Variants in OSBPL9 observed in about 807,000 individuals in gnomAD.
OSBPL9 encodes oxysterol-binding protein-related protein 9.
In OSBPL9, 40 loss-of-function variants were observed where a neutral mutation model predicts 106.6. That is an observed-to-expected ratio of 0.38 (90% CI 0.29 to 0.49). The LOEUF is 0.49. Among genes scored for constraint, OSBPL9 ranks in the 20% least tolerant of loss-of-function variants. The pLI is 0.97. For synonymous variants in OSBPL9, 269 were observed against 295.4 expected, an observed-to-expected ratio of 0.91 and a Z score of 0.92; for missense variants, 609 against 887.2, an observed-to-expected ratio of 0.69 and a Z score of 3.98.
In OSBPL9 at chr1:51,746,704, T is replaced by C; in HGVS notation, c.415-6T>C. On this transcript the variant is annotated splice_region_variant and splice_polypyrimidine_tract_variant and intron_variant, in intron 5 of 23. Coordinates refer to ENST00000428468, the MANE Select transcript of OSBPL9 (RefSeq NM_024586.6). ...GATACTATAACCATTTTTTAAAATC[T>C]TGTAGCTTTTTGATGACAAGCTTCA... 6.2e-7 allele frequency: 1 copy of C among 1,604,012 alleles called. No homozygotes were observed. The highest frequency in any genetic ancestry group is 8.5e-7 in the Non-Finnish European group (1 of 1,173,216).
intron 12 of OSBPL9, among the ~76,000 whole-genome samples, chr1:51,769,305 T>C (rs1168239281): frequency 6.6e-6 from 1 of 152,224 alleles, no homozygotes; most frequent in Non-Finnish European, 1.5e-5. Context: ...AGACCTATAC[T>C]AATGATAGCT....
intron 1 of OSBPL9, among the ~76,000 whole-genome samples, chr1:51,630,781 T>G (rs1645058462): frequency 6.6e-6 from 1 of 152,252 alleles, no homozygotes; most frequent in Non-Finnish European, 1.5e-5. Context: ...ACACCTTTAA[T>G]TTTTGTTTTA....
intron 2 of OSBPL9, among the ~76,000 whole-genome samples, chr1:51,666,729 A>G (rs1170843335): frequency 6.6e-6 from 1 of 152,198 alleles, no homozygotes; most frequent in Non-Finnish European, 1.5e-5. Flanking sequence ...GGTGGGGCAG[A>G]AGGAAGCTGG....
chr1:51,585,964 G>A (rs570435017), intron 1 of OSBPL9, among the ~76,000 whole-genome samples: 20 of 151,838 alleles, frequency 1.3e-4, no homozygotes, highest in African/African-American at 4.8e-4. Flanking sequence ...CTTGAGGTCA[G>A]GAGTTTAAGG....
At chr1:51,752,092 AC>A (rs1410080190) in intron 8 of OSBPL9, among the ~76,000 whole-genome samples, 1 of 152,008 alleles carries the variant, frequency 6.6e-6, no homozygotes. Context: ...CTGCTCAAAT[AC>A]CCCTGATGTT....
intron 4 of OSBPL9, among the ~76,000 whole-genome samples, chr1:51,733,663 C>G (rs1664974328): frequency 6.6e-6 from 1 of 151,838 alleles, no homozygotes; most frequent in Non-Finnish European, 1.5e-5. Context: ...TAAGCCCAGC[C>G]ACTTGGGGGG....
intron 10 of OSBPL9, 112 bp from the exon 11 acceptor site, chr1:51,761,755 T>TA: frequency 1.2e-6 from 1 of 800,196 alleles, no homozygotes; most frequent in Non-Finnish European, 2.1e-6. Context: ...CTTAATGAAA[T>TA]AAAGTTTCAA....
chr1:51,704,623 AG>A (rs981183178), intron 3 of OSBPL9, among the ~76,000 whole-genome samples: 9 of 152,212 alleles, frequency 5.9e-5, no homozygotes, highest in Non-Finnish European at 1.2e-4. Flanking sequence ...CAGCATGGTC[AG>A]GTTCTGGTGA....
At chr1:51,695,529 C>A (rs765453595) in intron 3 of OSBPL9, among the ~76,000 whole-genome samples, 1 of 152,072 alleles carries the variant, frequency 6.6e-6, no homozygotes, top group Non-Finnish European at 1.5e-5. Flanking sequence ...GAGTTTCTGT[C>A]GTTCATTCTT....
At chr1:51,522,324 G>A in the OSBPL9 span, among the ~76,000 whole-genome samples, 1 of 152,132 alleles carries the variant, frequency 6.6e-6, no homozygotes, top group South Asian at 2.1e-4. Flanking sequence ...TCTTTATATG[G>A]GAATTGCCCC....
At chr1:51,530,170 C>CAAAAAAAAGAAAAAAAAAAAAAAAAA in the OSBPL9 span, among the ~76,000 whole-genome samples, 1 of 11,036 alleles carries the variant, frequency 9.1e-5, no homozygotes, top group African/African-American at 4.7e-4. Flanking sequence ...GACTCTGTCT[C>CAAAAAAAAGAAAAAAAAAAAAAAAAA]AAAAAAAAAA....
At chr1:51,642,062 T>TTA (rs1645834012) in intron 1 of OSBPL9, among the ~76,000 whole-genome samples, 1 of 152,212 alleles carries the variant, frequency 6.6e-6, no homozygotes, top group Non-Finnish European at 1.5e-5. Context: ...ACAGACTTAG[T>TTA]AACACACTAA....
intron 3 of OSBPL9, among the ~76,000 whole-genome samples, chr1:51,708,742 TTTA>T (rs1263674539): frequency 1.3e-5 from 2 of 152,186 alleles, no homozygotes; most frequent in South Asian, 2.1e-4. Flanking sequence ...TTGGATTATC[TTTA>T]TTATTGGATT....
chr1:51,674,031 C>T (rs950926731), intron 3 of OSBPL9, among the ~76,000 whole-genome samples: 2 of 150,532 alleles, frequency 1.3e-5, no homozygotes, highest in East Asian at 1.9e-4. Context: ...CCTTCCTCTC[C>T]CTCTCTCTTT....
At chr1:51,591,817 A>G (rs1429271437) in intron 1 of OSBPL9, among the ~76,000 whole-genome samples, 26 of 152,144 alleles carry the variant, frequency 1.7e-4, no homozygotes, top group Admixed American at 1.7e-3. Context: ...GAGAAAAAAA[A>G]GAGAAATATT....
chr1:51,559,580 C>A, the OSBPL9 span, among the ~76,000 whole-genome samples: 2 of 152,108 alleles, frequency 1.3e-5, no homozygotes, highest in East Asian at 3.8e-4. Context: ...CCATTTTATT[C>A]ATATGCATGT....
chr1:51,648,998 C>T (rs1411847461), intron 1 of OSBPL9, among the ~76,000 whole-genome samples: 1 of 152,114 alleles, frequency 6.6e-6, no homozygotes, highest in Non-Finnish European at 1.5e-5. Flanking sequence ...CCTTTAGTAG[C>T]TCCCCATTAA....
At chr1:51,682,286 T>C (rs1652735209) in intron 3 of OSBPL9, among the ~76,000 whole-genome samples, 1 of 152,212 alleles carries the variant, frequency 6.6e-6, no homozygotes, top group African/African-American at 2.4e-5. Context: ...CTTTAATTGG[T>C]TGAATCCACG....
upstream of OSBPL9, chr1:51,616,945 T>A (rs973850135): frequency 7.3e-7 from 1 of 1,362,382 alleles, no homozygotes; most frequent in Non-Finnish European, 9.8e-7. Context: ...CTACACACAA[T>A]AGGCGCCCTA....
Sources: gnomAD v4.1 joint callset for allele counts (sites outside exome capture counted in the v4.1 genomes callset) on GRCh38, gnomAD v4.1.1 for gene constraint, MANE v1.5 for transcripts, NCBI Gene and HGNC (gene_info 2026-07-23, HGNC 2026-07-21) for gene names.